Variants in MYLK observed in about 807,000 individuals in gnomAD.
MYLK encodes the protein myosin light chain kinase.
MYLK carries 106 observed loss-of-function variants against 203.4 expected under a neutral mutation model. The ratio of observed to expected loss-of-function variants is 0.52; its 90% CI spans 0.45 to 0.61. The LOEUF (loss-of-function observed/expected upper bound fraction) is 0.61. Among genes scored for constraint, MYLK ranks in the 20% least tolerant of loss-of-function variants. MYLK has a pLI of 0.00. For synonymous variants in MYLK, 867 were observed against 959.5 expected, an observed-to-expected ratio of 0.90 and a Z score of 1.78; for missense variants, 2,072 against 2,442.3, an observed-to-expected ratio of 0.85 and a Z score of 3.20.
intron 4 of MYLK, among the ~76,000 whole-genome samples, chr3:123,757,023 G>C (rs1270425220): frequency 2.0e-5 from 3 of 152,238 alleles, no homozygotes; most frequent in South Asian, 2.1e-4. Flanking sequence ...TTCTGTGCTT[G>C]CTGAAGGTTG....
chr3:123,854,999 T>C (rs1444717870), intron 2 of MYLK, among the ~76,000 whole-genome samples: 1 of 152,208 alleles, frequency 6.6e-6, no homozygotes, highest in Non-Finnish European at 1.5e-5. Context: ...TTTTGGATTT[T>C]TAAGTTGCTC....
intron 4 of MYLK, among the ~76,000 whole-genome samples, chr3:123,775,394 C>A (rs1281424143): frequency 1.3e-5 from 2 of 152,200 alleles, no homozygotes; most frequent in African/African-American, 4.8e-5. Flanking sequence ...CATGCACATA[C>A]ATTTTAGTAC....
At chr3:123,857,304 C>T (rs1577134264) in intron 2 of MYLK, among the ~76,000 whole-genome samples, 1 of 152,210 alleles carries the variant, frequency 6.6e-6, no homozygotes, top group East Asian at 1.9e-4. Context: ...TGGGTATATA[C>T]CCAAAGGACT....
intron 20 of MYLK, among the ~76,000 whole-genome samples, chr3:123,679,167 C>T (rs1264700015): frequency 3.3e-5 from 5 of 151,964 alleles, no homozygotes; most frequent in Admixed American, 6.6e-5. Flanking sequence ...ATTAGTTGGG[C>T]GTGGTGGTGC....
At chr3:123,627,975 A>C (rs1469600226) in intron 30 of MYLK, among the ~76,000 whole-genome samples, 2 of 152,218 alleles carry the variant, frequency 1.3e-5, no homozygotes, top group African/African-American at 4.8e-5. Context: ...ATCTTCAGTG[A>C]ATAAAGCTTG....
intron 29 of MYLK, among the ~76,000 whole-genome samples, chr3:123,631,736 ATTTATG>A (rs2058433382): frequency 6.6e-6 from 1 of 151,986 alleles, no homozygotes; most frequent in Non-Finnish European, 1.5e-5. Context: ...CAAGACCCTG[ATTTATG>A]TTTTAAGAAG....
chr3:123,666,966 T>C (rs746478597), intron 21 of MYLK, 171 bp downstream of exon 21: 2 of 658,262 alleles, frequency 3.0e-6, no homozygotes, highest in Non-Finnish European at 5.3e-6. Flanking sequence ...GCAGAGGCTC[T>C]CCATGAGCAA....
chr3:123,749,612 G>A (rs1474883938), intron 5 of MYLK, among the ~76,000 whole-genome samples: 1 of 152,174 alleles, frequency 6.6e-6, no homozygotes, highest in African/African-American at 2.4e-5. Context: ...TTTCTCTCTT[G>A]CAGATTTCCC....
At position 123,846,235 on chromosome 3, in the gene MYLK, T is replaced by A. The variant is rs189244559; in HGVS notation, c.-126-14565A>T. ...TCCTCCCGTAAGAACCATTATAAACTCATTGTTTTATCATTCCCAGACATG... is the reference window on the plus strand; with the variant it reads ...TCCTCCCGTAAGAACCATTATAAACACATTGTTTTATCATTCCCAGACATG... On this transcript the variant is annotated intron_variant, in intron 2 of 33. Transcript: ENST00000360304. Among the ~76,000 whole-genome samples, 92 of 152,330 alleles carry A rather than the reference T, an allele frequency of 6.0e-4. 1 individual carries two copies. Among genetic ancestry groups the A allele is most frequent in the Middle Eastern group, 3.4e-3 (1 of 294 alleles).
At position 123,612,451 on chromosome 3, in the gene MYLK, A is replaced by G. The variant is rs754947775; in HGVS notation, c.*1654T>C. On this transcript the variant is annotated 3_prime_UTR_variant, in exon 34 of 34. Transcript: ENST00000360304. ...TTAACCTGTAACACACATATACGCCACACATGCACACACACAACATACACG... is the reference window on the plus strand; with the variant it reads ...TTAACCTGTAACACACATATACGCCGCACATGCACACACACAACATACACG... The G allele has an allele frequency of 2.0e-5, 3 of 152,660 alleles. No homozygotes were observed. The highest frequency in any genetic ancestry group is 2.9e-5 in the Non-Finnish European group (2 of 68,044). 9.5% of individuals were successfully genotyped at this position (152,660 alleles called of 1,614,324 possible). A position where few individuals can be genotyped will look rare whatever the true frequency, so the allele number is the denominator to read the frequency against.
intron 3 of MYLK, among the ~76,000 whole-genome samples, chr3:123,818,237 T>C (rs933008762): frequency 2.0e-5 from 3 of 152,246 alleles, no homozygotes; most frequent in African/African-American, 7.2e-5. Flanking sequence ...CTATAAGACA[T>C]GCCTACAAAT....
At chr3:123,686,370 G>GTTTTTT (rs57730652) in intron 19 of MYLK, among the ~76,000 whole-genome samples, 1 of 147,796 alleles carries the variant, frequency 6.8e-6, no homozygotes, top group African/African-American at 2.5e-5. Flanking sequence ...TCTGGGCAGC[G>GTTTTTT]TTTTTTTTTT....
At chr3:123,785,534 A>T (rs2064479514) in intron 4 of MYLK, among the ~76,000 whole-genome samples, 1 of 152,256 alleles carries the variant, frequency 6.6e-6, no homozygotes, top group Admixed American at 6.5e-5. Context: ...TCTCATCAAC[A>T]GATCACATTT....
intron 22 of MYLK, among the ~76,000 whole-genome samples, chr3:123,664,621 G>GCATTCACAA (rs2059676710): frequency 6.6e-6 from 1 of 152,198 alleles, no homozygotes; most frequent in African/African-American, 2.4e-5. Context: ...CACTCCAGTG[G>GCATTCACAA]GTTCTAGCCT....
rs368080781 is a variant in MYLK, at chr3:123,700,708, G to A, written c.2760C>T (p.Ala920=). Residue 920 remains alanine, a synonymous_variant, in exon 18 of 34, where the codon GCC becomes GCT. Coordinates refer to ENST00000360304, the MANE Select transcript of MYLK (RefSeq NM_053025.4). ...GGTTGGCACGGAAATCCATCTGCTC[G>A]GCTGGGATCTCCTTCAGGTCGTCTT... ...LSEDDLKEIP[A]EQMDFRANLQ... The A allele has an allele frequency of 4.5e-5, 73 of 1,614,110 alleles. No individual in the cohort carries two copies. The highest frequency in any genetic ancestry group is 3.8e-4 in the Admixed American group (23 of 60,022).
At chr3:123,742,940 T>A (rs764197217) in intron 5 of MYLK, among the ~76,000 whole-genome samples, 19 of 151,930 alleles carry the variant, frequency 1.3e-4, no homozygotes, top group Non-Finnish European at 2.2e-4. Context: ...AGAAAGATGG[T>A]GGTTAGTAGT....
At chr3:123,793,923 C>A (rs2064887325) in intron 3 of MYLK, 79 bp from the exon 4 acceptor site, 1 of 1,541,130 alleles carries the variant, frequency 6.5e-7, no homozygotes, top group South Asian at 1.1e-5. Flanking sequence ...CAGGTGTGTC[C>A]AGTCTGGAGG....
In MYLK at chr3:123,649,275, C is replaced by T. The variant is rs967706109; in HGVS notation, c.4289-81G>A. On this transcript the variant is annotated intron_variant, in intron 24 of 33. Coordinates refer to ENST00000360304, the MANE Select transcript of MYLK (RefSeq NM_053025.4). ...CACTGAGAGCAAGATGTGCTGGGGG[C>T]CCTGCCAGGCCTCAGCCTCCCCAGG... 14 of 1,580,230 alleles carry T rather than the reference C, an allele frequency of 8.9e-6. No homozygotes were observed. The African/African-American group carries it at 1.2e-4, about 14-fold the overall frequency.
intron 29 of MYLK, among the ~76,000 whole-genome samples, chr3:123,633,931 T>A (rs2058539029): frequency 6.6e-6 from 1 of 151,960 alleles, no homozygotes; most frequent in South Asian, 2.1e-4. Context: ...GATCCTCCCA[T>A]CATAGCCTCC....
Sources: allele counts gnomAD v4.1 joint callset (sites outside exome capture counted in the v4.1 genomes callset), GRCh38; gene constraint gnomAD v4.1.1; transcripts MANE v1.5; gene names NCBI Gene and HGNC (gene_info 2026-07-23, HGNC 2026-07-21).